The following ZFYVE21 variants were observed in gnomAD, a reference collection of about 807,000 sequenced individuals.
ZFYVE21 encodes zinc finger FYVE domain-containing protein 21.
Under a neutral mutation model 29.5 loss-of-function variants are expected in ZFYVE21, and 21 were observed. The ratio of observed to expected loss-of-function variants is 0.71; its 90% confidence interval spans 0.50 to 1.02. The LOEUF is 1.02. Among genes scored for constraint, ZFYVE21 ranks in the 50% least tolerant of loss-of-function variants. The pLI is 0.00. For missense variants in ZFYVE21, 326 were observed against 335.4 expected, an observed-to-expected ratio of 0.97 and a Z score of 0.22; for synonymous variants, 151 against 133.8, an observed-to-expected ratio of 1.13 and a Z score of -0.89.
intron 2 of ZFYVE21, chr14:103,727,360 G>GCCCCCCCCCCCCCCTTCCCCCCCCC: frequency 2.8e-6 from 1 of 358,082 alleles, no homozygotes; most frequent in Non-Finnish European, 5.5e-6. Context: ...GCACCCACCT[G>GCCCCCCCCCCCCCCTTCCCCCCCCC]CCCCCCGCCC....
chr14:103,727,755 C>T lies in ZFYVE21; in HGVS notation c.199C>T (p.Arg67Cys), dbSNP rs761630128. The part of the protein sequence containing the change: ...FDFLTRKHHC[R>C]RCGKCFCDRC... ...TCCCGCATCTGCCCAGCACCACTGT[C>T]GCCGCTGCGGGAAGTGCTTCTGCGA... The change falls in exon 3 of 7, where the codon CGC becomes TGC. Residue 67 changes from arginine to cysteine, a missense_variant. Transcript: ENST00000311141. 1 of 1,607,814 alleles carries T rather than the reference C, an allele frequency of 6.2e-7. No homozygotes were observed. Among genetic ancestry groups the T allele is most frequent in the South Asian group, 1.1e-5 (1 of 91,030 alleles).
rs1231216486 is a variant in ZFYVE21, at chr14:103,715,820, G to C, written c.-22G>C. On this transcript the variant is annotated 5_prime_UTR_variant, in exon 1 of 7. Transcript: ENST00000311141. ...CGAGGGGCCGGGTGCGGGGCCGCTG[G>C]CCGAGAGGCTGAGGCGGCGTCATGT... 3 of 1,356,152 alleles carry C rather than the reference G, an allele frequency of 2.2e-6. No individual in the cohort carries two copies. The highest frequency in any genetic ancestry group is 2.9e-6 in the Non-Finnish European group (3 of 1,046,104). 84.0% of individuals were successfully genotyped at this position (1,356,152 alleles called of 1,614,324 possible).
intron 1 of ZFYVE21, 160 bp from the exon 2 acceptor site, chr14:103,726,632 C>T (rs548892281): frequency 2.8e-5 from 24 of 865,478 alleles, no homozygotes; most frequent in East Asian, 5.0e-5. Context: ...TGGGCACAGG[C>T]GGCCAGTCCA....
chr14:103,724,112 G>T (rs1175053214), intron 1 of ZFYVE21, among the ~76,000 whole-genome samples: 1 of 152,232 alleles, frequency 6.6e-6, no homozygotes, highest in Non-Finnish European at 1.5e-5. Context: ...ATCCGTGGCT[G>T]GGCCCCCAGA....
intron 5 of ZFYVE21, chr14:103,731,385 A>C (rs1178706919): frequency 6.7e-6 from 1 of 150,116 alleles, no homozygotes; most frequent in Non-Finnish European, 1.5e-5. Flanking sequence ...AGATCACCTG[A>C]GGTTGGGAGT....
chr14:103,728,387 C>A (rs1000552893), intron 3 of ZFYVE21, among the ~76,000 whole-genome samples: 7 of 152,108 alleles, frequency 4.6e-5, no homozygotes, highest in African/African-American at 1.7e-4. Context: ...GCAGCGCCTT[C>A]TCCCCACTGT....
At chr14:103,729,813 A>G in intron 5 of ZFYVE21, 1 of 1,536,092 alleles carries the variant, frequency 6.5e-7, no homozygotes. Flanking sequence ...TCACGCTTAC[A>G]CCAGCCTCCG....
At chr14:103,732,890 C>T (rs1167309279) in intron 6 of ZFYVE21, 93 bp from the exon 7 acceptor site, 7 of 1,603,454 alleles carry the variant, frequency 4.4e-6, no homozygotes, top group African/African-American at 1.3e-5. Context: ...AGCTGGGGTG[C>T]CCACGCCATC....
At position 103,732,671 on chromosome 14, in the gene ZFYVE21, C is replaced by A; in HGVS notation, c.578C>A (p.Thr193Lys). Reference protein sequence around the residue: ...GMFLQYTVPGTEGVTQLKLTV... With the variant: ...GMFLQYTVPGKEGVTQLKLTV... ...TTCCTGCAGTATACAGTGCCGGGGA[C>A]GGAGGGTGTGACCCAGCTGAAGCTG... Residue 193 changes from threonine to lysine, a missense_variant, in exon 6 of 7, where the codon ACG (threonine) becomes AAG (lysine). Thr to Lys is a moderately conservative substitution (Grantham distance 78). Coordinates refer to ENST00000311141, the MANE Select transcript of ZFYVE21 (RefSeq NM_024071.4). 1 of 1,611,922 alleles carries A rather than the reference C, an allele frequency of 6.2e-7. No individual in the cohort carries two copies. Among genetic ancestry groups the A allele is most frequent in the Non-Finnish European group, 8.5e-7 (1 of 1,179,200 alleles).
At chr14:103,725,555 CG>C (rs1215282175) in intron 1 of ZFYVE21, 2 of 152,310 alleles carry the variant, frequency 1.3e-5, no homozygotes, top group Non-Finnish European at 2.9e-5. Flanking sequence ...AGGAGTTGGC[CG>C]GGTGGCCATG....
At chr14:103,727,360 G>GGCCCCCCCCC in intron 2 of ZFYVE21, 1 of 358,082 alleles carries the variant, frequency 2.8e-6, no homozygotes, top group Non-Finnish European at 5.5e-6. Flanking sequence ...GCACCCACCT[G>GGCCCCCCCCC]CCCCCCGCCC....
intron 5 of ZFYVE21, chr14:103,729,567 C>T (rs553494084): frequency 1.5e-4 from 92 of 609,918 alleles, no homozygotes; most frequent in Admixed American, 3.5e-4. Context: ...CTTCAGCCCT[C>T]CTCCTGCAGG....
chr14:103,717,722 C>A (rs1249196115), intron 1 of ZFYVE21, among the ~76,000 whole-genome samples: 1 of 152,144 alleles, frequency 6.6e-6, no homozygotes, highest in East Asian at 1.9e-4. Context: ...CCCTCCAGAG[C>A]CCCCCACCAT....
chr14:103,724,987 AG>A (rs1220091454), intron 1 of ZFYVE21: 1 of 152,284 alleles, frequency 6.6e-6, no homozygotes, highest in African/African-American at 2.4e-5. Context: ...GCTTTGAAAA[AG>A]GCTGTACCGG....
In ZFYVE21 at chr14:103,727,782, A is replaced by AG; in HGVS notation, c.228dup (p.Cys77ValfsTer58). On this transcript the variant is annotated frameshift_variant, in exon 3 of 7. Coordinates refer to ENST00000311141, the MANE Select transcript of ZFYVE21 (RefSeq NM_024071.4). LOFTEE classifies it high-confidence loss of function. Reference sequence around the variant, plus strand: ...CCGCTGCGGGAAGTGCTTCTGCGACAGGTGCTGCAGCCAGAAGGTGCCGCT... The same window carrying AG: ...CCGCTGCGGGAAGTGCTTCTGCGACAGGGTGCTGCAGCCAGAAGGTGCCGCT... 6.2e-7 allele frequency: 1 copy of AG among 1,611,728 alleles called. No homozygotes were observed. The highest frequency in any genetic ancestry group is 8.5e-7 in the Non-Finnish European group (1 of 1,179,832).
intron 1 of ZFYVE21, among the ~76,000 whole-genome samples, chr14:103,721,289 C>G (rs569939931): frequency 2.0e-5 from 3 of 152,250 alleles, no homozygotes; most frequent in African/African-American, 7.2e-5. Context: ...AGGGCTCTGA[C>G]TCCTGTAGGC....
At chr14:103,721,587 C>A (rs999566040) in intron 1 of ZFYVE21, among the ~76,000 whole-genome samples, 1 of 152,166 alleles carries the variant, frequency 6.6e-6, no homozygotes, top group African/African-American at 2.4e-5. Context: ...TCCTAGGGGG[C>A]AGTGTCTGTC....
Position 103,733,063 on chromosome 14 carries a change from G to C in ZFYVE21, c.*45G>C. 2 of 1,613,636 alleles carry C rather than the reference G, an allele frequency of 1.2e-6. No individual in the cohort carries two copies. Among genetic ancestry groups the C allele is most frequent in the Non-Finnish European group, 1.7e-6 (2 of 1,179,614 alleles). On this transcript the variant is annotated 3_prime_UTR_variant, in exon 7 of 7. Transcript: ENST00000311141. The stretch of plus-strand genomic sequence containing the variant: ...TGGAGTACGTGTGGTCACCAGGACT[G>C]AGTCGCTTGGAACAGCAGAGCCTGC...
chr14:103,728,760 C>T, intron 3 of ZFYVE21, 148 bp from the exon 4 acceptor site: 1 of 742,652 alleles, frequency 1.3e-6, no homozygotes, highest in South Asian at 1.8e-5. Context: ...TTTTGCTCAG[C>T]TGAAGGGGTC....
Sources: allele counts gnomAD v4.1 joint callset (sites outside exome capture counted in the v4.1 genomes callset), GRCh38; gene constraint gnomAD v4.1.1; transcripts MANE v1.5; gene names NCBI Gene and HGNC (gene_info 2026-07-23, HGNC 2026-07-21).